The following SCG3 variants were observed in gnomAD, a reference collection of about 807,000 sequenced individuals.
SCG3 encodes the protein secretogranin III.
Under a neutral mutation model 56.2 loss-of-function variants are expected in SCG3, and 38 were observed. That is an observed-to-expected ratio of 0.68 (90% CI 0.52 to 0.89). The LOEUF is 0.89. Among genes scored for constraint, SCG3 ranks in the 40% least tolerant of loss-of-function variants. The pLI, the probability that SCG3 is intolerant of heterozygous loss-of-function variation, is 0.00. For synonymous variants in SCG3, 176 were observed against 184.2 expected, an observed-to-expected ratio of 0.96 and a Z score of 0.36; for missense variants, 524 against 540.7, an observed-to-expected ratio of 0.97 and a Z score of 0.31.
intron 11 of SCG3, among the ~76,000 whole-genome samples, chr15:51,717,382 A>C (rs1595843603): frequency 6.6e-6 from 1 of 151,386 alleles, no homozygotes. Flanking sequence ...AAAAAAAAAA[A>C]ATTAGCCAGG....
At chr15:51,698,329 G>A (rs147668603) in intron 8 of SCG3, among the ~76,000 whole-genome samples, 144 of 152,154 alleles carry the variant, frequency 9.5e-4, no homozygotes, top group African/African-American at 3.3e-3. Context: ...CTAATTCATC[G>A]TCTACCTTGA....
At position 51,719,332 on chromosome 15, in the gene SCG3, T is replaced by C. The variant is rs2055480332; in HGVS notation, c.1289-76T>C. The stretch of plus-strand genomic sequence containing the variant: ...ATTGTGTTATTGTATAAAATGCTTC[T>C]CAGTTAATGGTAATCACTGTAATGG... On this transcript the variant is annotated intron_variant, in intron 11 of 11. Coordinates refer to ENST00000220478, the MANE Select transcript of SCG3 (RefSeq NM_013243.4). The C allele has an allele frequency of 2.8e-5, 27 of 948,278 alleles. No individual in the cohort carries two copies. The South Asian group carries it at 3.7e-4, about 13-fold the overall frequency. The allele number at this position is 948,278 out of a possible 1,614,324, so 58.7% of individuals were successfully genotyped here.
chr15:51,710,032 G>A (rs909071837), intron 10 of SCG3, among the ~76,000 whole-genome samples: 2 of 151,184 alleles, frequency 1.3e-5, no homozygotes, highest in East Asian at 3.9e-4. Flanking sequence ...CACCGCGCCC[G>A]GCCGGCTTGT....
chr15:51,712,079 T>C (rs2055424399), intron 10 of SCG3, among the ~76,000 whole-genome samples: 1 of 152,212 alleles, frequency 6.6e-6, no homozygotes, highest in South Asian at 2.1e-4. Flanking sequence ...TGACTTTATG[T>C]CTCTGTGCTT....
At chr15:51,708,788 G>GGC (rs2055392345) in intron 10 of SCG3, among the ~76,000 whole-genome samples, 1 of 152,014 alleles carries the variant, frequency 6.6e-6, no homozygotes, top group Non-Finnish European at 1.5e-5. Flanking sequence ...AAATCCGGGA[G>GGC]GCGGAGTTTG....
intron 11 of SCG3, among the ~76,000 whole-genome samples, chr15:51,718,994 C>T (rs968391284): frequency 2.0e-5 from 3 of 152,126 alleles, no homozygotes; most frequent in Non-Finnish European, 4.4e-5. Flanking sequence ...GTTCCTAGAC[C>T]AACAGCATCA....
chr15:51,700,727 A>G (rs746271277), intron 9 of SCG3, among the ~76,000 whole-genome samples: 20 of 152,180 alleles, frequency 1.3e-4, no homozygotes, highest in Non-Finnish European at 2.6e-4. Flanking sequence ...AATGTACTTC[A>G]GAACATGACA....
chr15:51,718,248 G>A, intron 11 of SCG3, among the ~76,000 whole-genome samples: 1 of 151,582 alleles, frequency 6.6e-6, no homozygotes. Context: ...ATGTCATAGG[G>A]TATAACCTCG....
At chr15:51,699,040 A>C (rs1045008906) in intron 8 of SCG3, among the ~76,000 whole-genome samples, 1 of 152,178 alleles carries the variant, frequency 6.6e-6, no homozygotes, top group African/African-American at 2.4e-5. Flanking sequence ...TGTAATTCCC[A>C]ATCCTGGAAG....
Position 51,683,283 on chromosome 15 carries a change from A to G in SCG3, c.246A>G (p.Thr82=), listed in dbSNP as rs1255028459. The part of the protein sequence containing the change: ...VDNLNLLKAI[T]EKEKIEKERQ... The stretch of plus-strand genomic sequence containing the variant: ...ACTTGAACCTGCTAAAGGCAATAAC[A>G]GAAAAGGAAAAAATTGAGAAAGAAA... Residue 82 remains threonine, a synonymous_variant, in exon 4 of 12, where the codon ACA becomes ACG. Transcript: ENST00000220478. 1.2e-6 allele frequency: 2 copies of G among 1,613,954 alleles called. No homozygotes were observed. The highest frequency in any genetic ancestry group is 8.5e-7 in the Non-Finnish European group (1 of 1,179,868).
intron 10 of SCG3, among the ~76,000 whole-genome samples, chr15:51,712,423 G>A (rs548802457): frequency 6.6e-6 from 1 of 152,308 alleles, no homozygotes; most frequent in South Asian, 2.1e-4. Flanking sequence ...GGCCTCACCT[G>A]GTTAAGAGAG....
intron 10 of SCG3, 93 bp downstream of exon 10, chr15:51,701,337 C>G: frequency 7.8e-7 from 1 of 1,287,028 alleles, no homozygotes; most frequent in South Asian, 1.5e-5. Flanking sequence ...CAAGCTCCAT[C>G]ACATCTGAGA....
chr15:51,695,873 A>G lies in SCG3; in HGVS notation c.869-2A>G, dbSNP rs1297931444. The G allele has an allele frequency of 1.9e-6, 3 of 1,542,448 alleles. No homozygotes were observed. The highest frequency in any genetic ancestry group is 2.7e-5 in the African/African-American group (2 of 73,294). On this transcript the variant is annotated splice_acceptor_variant, in intron 7 of 11. Transcript: ENST00000220478. LOFTEE classifies it high-confidence loss of function. ...TTTAAGTTATTTTGTTCTTTCATAT[A>G]GAAAAAGAAGCAAAAGAGAAAGAAA...
chr15:51,711,194 T>TA (rs1244368664), intron 10 of SCG3, among the ~76,000 whole-genome samples: 3 of 152,242 alleles, frequency 2.0e-5, no homozygotes, highest in Non-Finnish European at 4.4e-5. Flanking sequence ...AAGGCTGCTC[T>TA]AGTAGCTAGC....
chr15:51,710,498 A>G (rs777071608), intron 10 of SCG3, among the ~76,000 whole-genome samples: 7 of 152,236 alleles, frequency 4.6e-5, no homozygotes, highest in Non-Finnish European at 1.0e-4. Context: ...AGCTTTTCAT[A>G]CATTACATAC....
At chr15:51,688,176 G>A in intron 4 of SCG3, 84 bp from the exon 5 acceptor site, 1 of 1,284,724 alleles carries the variant, frequency 7.8e-7, no homozygotes, top group Non-Finnish European at 1.1e-6. Context: ...ATATACAAAA[G>A]CGAAGTACAG....
intron 7 of SCG3, 55 bp downstream of exon 7, chr15:51,692,391 G>A (rs1204922417): frequency 1.4e-6 from 2 of 1,466,344 alleles, no homozygotes; most frequent in Non-Finnish European, 1.9e-6. Context: ...TCCAGGAAAT[G>A]TATGGGTGTG....
intron 10 of SCG3, among the ~76,000 whole-genome samples, chr15:51,704,244 CAT>C (rs750951935): frequency 0.048 from 3,512 of 73,504 alleles, 83 homozygotes; most frequent in Middle Eastern, 0.14. Flanking sequence ...TACATACATA[CAT>C]ATATATATAT....
rs112982739 is a variant in SCG3, at chr15:51,713,342, A to G, written c.1217A>G (p.Glu406Gly). ...GKTDEPKGKTEAYLEAIRKNI... is the reference protein window; with the variant it reads ...GKTDEPKGKTGAYLEAIRKNI... ...CTCTTACCTCTTCCAGGAAAAACAG[A>G]AGCCTATTTGGAAGCCATCAGAAAA... The change falls in exon 11 of 12, where the codon GAA becomes GGA. Residue 406 changes from glutamate to glycine, a missense_variant. Physicochemically the swap from Glu to Gly is moderately conservative, Grantham distance 98. Transcript: ENST00000220478. The G allele has an allele frequency of 6.3e-7, 1 of 1,595,216 alleles. No individual in the cohort carries two copies. Among genetic ancestry groups the G allele is most frequent in the Non-Finnish European group, 8.5e-7 (1 of 1,172,450 alleles).
Sources: allele counts gnomAD v4.1 joint callset (sites outside exome capture counted in the v4.1 genomes callset), GRCh38; gene constraint gnomAD v4.1.1; transcripts MANE v1.5; gene names NCBI Gene and HGNC (gene_info 2026-07-23, HGNC 2026-07-21).